ST6GALNAC3: variants seen among roughly 807,000 people sequenced by gnomAD.
ST6GALNAC3 encodes alpha-N-acetylgalactosaminide alpha-2,6-sialyltransferase 3.
ST6GALNAC3 carries 25 observed loss-of-function variants against 32.7 expected under a neutral mutation model. That is an observed-to-expected ratio of 0.76 (90% confidence interval 0.56 to 1.07). The LOEUF (loss-of-function observed/expected upper bound fraction) is 1.07, where lower values mean the gene tolerates loss of function less well. Ranked by LOEUF, ST6GALNAC3 falls within the 50% of genes least tolerant of loss-of-function variation. ST6GALNAC3 has a pLI of 0.00. For missense variants in ST6GALNAC3, 355 were observed against 382.4 expected (o/e 0.93, Z 0.60); for synonymous variants, 129 against 133.1 (o/e 0.97, Z 0.21).
chr1:76,166,391 G>A (rs1652128390), intron 1 of ST6GALNAC3, among the ~76,000 whole-genome samples: 1 of 152,094 alleles, frequency 6.6e-6, no homozygotes, highest in East Asian at 1.9e-4. Flanking sequence ...TATGCTGTTT[G>A]GTTACTGTAG....
chr1:76,320,715 C>G (rs551154730), intron 2 of ST6GALNAC3, among the ~76,000 whole-genome samples: 1 of 152,102 alleles, frequency 6.6e-6, no homozygotes, highest in Non-Finnish European at 1.5e-5. Context: ...AGACCACACT[C>G]CTATTTAGAC....
chr1:76,078,821 C>A (rs1646851466), intron 1 of ST6GALNAC3, among the ~76,000 whole-genome samples: 1 of 152,052 alleles, frequency 6.6e-6, no homozygotes, highest in South Asian at 2.1e-4. Flanking sequence ...CACTCTGTTG[C>A]CCAGGCTGGA....
intron 3 of ST6GALNAC3, among the ~76,000 whole-genome samples, chr1:76,449,195 T>C (rs146434611): frequency 2.6e-4 from 39 of 152,368 alleles, no homozygotes; most frequent in African/African-American, 9.4e-4. Flanking sequence ...TCAGTTGGCT[T>C]ATTTCACTTA....
chr1:76,563,306 C>T (rs1158062313), intron 3 of ST6GALNAC3, among the ~76,000 whole-genome samples: 1 of 152,192 alleles, frequency 6.6e-6, no homozygotes, highest in Non-Finnish European at 1.5e-5. Flanking sequence ...TGCTTTGTAT[C>T]TATTGTGAAA....
At chr1:76,229,162 C>G (rs944804429) in intron 1 of ST6GALNAC3, among the ~76,000 whole-genome samples, 2 of 152,140 alleles carry the variant, frequency 1.3e-5, no homozygotes, top group Admixed American at 1.3e-4. Context: ...AATAAAGAAC[C>G]CAGAAAGCTA....
At chr1:76,091,345 A>G (rs1647042698) in intron 1 of ST6GALNAC3, among the ~76,000 whole-genome samples, 1 of 152,248 alleles carries the variant, frequency 6.6e-6, no homozygotes, top group African/African-American at 2.4e-5. Flanking sequence ...TAGATCATTG[A>G]GTTAAGACTC....
At chr1:76,601,182 A>G (rs1412601198) in intron 3 of ST6GALNAC3, among the ~76,000 whole-genome samples, 1 of 152,182 alleles carries the variant, frequency 6.6e-6, no homozygotes, top group African/African-American at 2.4e-5. Context: ...AGGGCTATAG[A>G]GCAAGATTCT....
intron 2 of ST6GALNAC3, among the ~76,000 whole-genome samples, chr1:76,316,262 C>T (rs1646864056): frequency 6.6e-6 from 1 of 150,820 alleles, no homozygotes; most frequent in South Asian, 2.1e-4. Flanking sequence ...ATGCTGTATG[C>T]CCAACCATTT....
chr1:76,615,621 T>G (rs1375269957), intron 3 of ST6GALNAC3, among the ~76,000 whole-genome samples: 1 of 152,236 alleles, frequency 6.6e-6, no homozygotes, highest in Non-Finnish European at 1.5e-5. Flanking sequence ...GAAGATTTCC[T>G]TTTTTGACAT....
chr1:76,306,799 T>TA (rs1435174420), intron 1 of ST6GALNAC3, among the ~76,000 whole-genome samples: 3 of 151,876 alleles, frequency 2.0e-5, no homozygotes, highest in Non-Finnish European at 2.9e-5. Context: ...TAAATTATAA[T>TA]AAAAAAACTC....
chr1:76,470,377 A>G (rs977630485), intron 3 of ST6GALNAC3, among the ~76,000 whole-genome samples: 5 of 152,070 alleles, frequency 3.3e-5, no homozygotes, highest in African/African-American at 1.2e-4. Context: ...ATGGGAAATG[A>G]TATGGTAGAC....
At chr1:76,180,815 A>G (rs2100459734) in intron 1 of ST6GALNAC3, among the ~76,000 whole-genome samples, 1 of 152,262 alleles carries the variant, frequency 6.6e-6, no homozygotes, top group East Asian at 1.9e-4. Flanking sequence ...TCCTGCTCAG[A>G]GCCACCTCCA....
At chr1:76,151,776 C>T (rs529121724) in intron 1 of ST6GALNAC3, among the ~76,000 whole-genome samples, 93 of 152,270 alleles carry the variant, frequency 6.1e-4, no homozygotes, top group Non-Finnish European at 1.2e-3. Flanking sequence ...ACGGGTGGGG[C>T]ATCGATTGCT....
intron 3 of ST6GALNAC3, among the ~76,000 whole-genome samples, chr1:76,446,351 T>C (rs529576116): frequency 6.6e-6 from 1 of 152,270 alleles, no homozygotes; most frequent in South Asian, 2.1e-4. Context: ...TCACCCAGCA[T>C]GCAAAGTGTA....
At chr1:76,585,460 T>A (rs1336000029) in intron 3 of ST6GALNAC3, among the ~76,000 whole-genome samples, 1 of 151,514 alleles carries the variant, frequency 6.6e-6, no homozygotes, top group Non-Finnish European at 1.5e-5. Flanking sequence ...ATGTTAGGCA[T>A]AAGAGGAAGA....
At chr1:76,433,636 G>T (rs1461274294) in intron 3 of ST6GALNAC3, among the ~76,000 whole-genome samples, 1 of 152,156 alleles carries the variant, frequency 6.6e-6, no homozygotes, top group Non-Finnish European at 1.5e-5. Flanking sequence ...TAACCACAAT[G>T]GCTGGCTGAG....
chr1:76,603,130 T>C (rs1647310996), intron 3 of ST6GALNAC3, among the ~76,000 whole-genome samples: 1 of 152,200 alleles, frequency 6.6e-6, no homozygotes, highest in East Asian at 1.9e-4. Context: ...ATGCTGTCGA[T>C]AGGAGTATAA....
intron 3 of ST6GALNAC3, among the ~76,000 whole-genome samples, chr1:76,562,026 GA>G (rs1156590561): frequency 6.6e-6 from 1 of 152,156 alleles, no homozygotes; most frequent in Non-Finnish European, 1.5e-5. Flanking sequence ...CTATTTATAT[GA>G]AATGTCCAGA....
intron 1 of ST6GALNAC3, among the ~76,000 whole-genome samples, chr1:76,268,012 A>G (rs1465388060): frequency 1.3e-5 from 2 of 152,244 alleles, no homozygotes; most frequent in African/African-American, 2.4e-5. Context: ...GTCTGGAAAG[A>G]GTCCGTTCCC....
Sources: allele counts gnomAD v4.1 joint callset (sites outside exome capture counted in the v4.1 genomes callset), GRCh38; gene constraint gnomAD v4.1.1; transcripts MANE v1.5; gene names NCBI Gene and HGNC (gene_info 2026-07-23, HGNC 2026-07-21).